The following MOSPD1 variants were observed in gnomAD, a reference collection of about 807,000 sequenced individuals.
MOSPD1 encodes the protein motile sperm domain-containing protein 1.
In MOSPD1, 5 loss-of-function variants were observed where a neutral mutation model predicts 16.7. That is an observed-to-expected ratio of 0.30 (90% CI 0.16 to 0.63). MOSPD1 has a LOEUF of 0.63. Among genes scored for constraint, MOSPD1 ranks in the 30% least tolerant of loss-of-function variants. The pLI is 0.82. For synonymous variants in MOSPD1, 67 were observed against 59.2 expected (o/e 1.13, Z -0.61); for missense variants, 104 against 153.6 (o/e 0.68, Z 1.71).
At chrX:134,908,465 C>T (rs979520813) in intron 1 of MOSPD1, among the ~76,000 whole-genome samples, 1 of 111,514 alleles carries the variant, frequency 9.0e-6, no homozygotes, top group African/African-American at 3.3e-5. Context: ...CCCCTCCCCT[C>T]CTTCTGTTTC....
At position 134,893,446 on chromosome X, in the gene MOSPD1, G is replaced by A. The variant is rs756757879; in HGVS notation, c.449-1806C>T. Among the ~76,000 whole-genome samples the A allele has an allele frequency of 8.9e-5, 10 of 111,878 alleles. 1 individual carries two copies. Among genetic ancestry groups the A allele is most frequent in the East Asian group, 5.6e-4 (2 of 3,588 alleles). On this transcript the variant is annotated intron_variant, in intron 4 of 5. Coordinates refer to ENST00000370783, the MANE Select transcript of MOSPD1 (RefSeq NM_019556.3). ...GAGAAATTTGGAATTTTTAGTATTC[G>A]AAAAACATTTGCATAAATGCTTGAA...
In MOSPD1 at chrX:134,896,926, A is replaced by G. The variant is rs745730572; in HGVS notation, c.339T>C (p.Val113=). Reference sequence around the variant, plus strand: ...TTGCTGATGGGAGAAGAGTAGCAACAACCTCTTTTCTTCCCAAAGCCTTCC... The same window carrying G: ...TTGCTGATGGGAGAAGAGTAGCAACGACCTCTTTTCTTCCCAAAGCCTTCC... ...SQRKALGRKE[V]VATLLPSAKE... Residue 113 remains valine, a synonymous_variant, in exon 4 of 6, where the codon GTT becomes GTC. Transcript: ENST00000370783. 1 of 1,209,515 alleles carries G rather than the reference A, an allele frequency of 8.3e-7. No homozygotes were observed. Among genetic ancestry groups the G allele is most frequent in the Admixed American group, 2.2e-5 (1 of 45,980 alleles).
Position 134,891,458 on chromosome X carries a change from A to G in MOSPD1, c.610+21T>C, listed in dbSNP as rs764765926. ...ATAAAGCCCTACACATATGTCCCAA[A>G]TGCATCTTTAAAACCCTTACCTAAG... On this transcript the variant is annotated intron_variant, in intron 5 of 5. Transcript: ENST00000370783. 4 of 1,205,586 alleles carry G rather than the reference A, an allele frequency of 3.3e-6. No individual in the cohort carries two copies. In the South Asian group the frequency reaches 7.1e-5, roughly 21 times the overall value.
intron 1 of MOSPD1, among the ~76,000 whole-genome samples, chrX:134,912,227 T>C (rs1463114420): frequency 8.9e-6 from 1 of 111,753 alleles, no homozygotes; most frequent in East Asian, 2.8e-4. Context: ...TTTGTATTTT[T>C]AGTAGAGTCG....
chrX:134,912,856 G>A (rs1237084591), intron 1 of MOSPD1, among the ~76,000 whole-genome samples: 6 of 108,499 alleles, frequency 5.5e-5, no homozygotes, highest in African/African-American at 1.0e-4. Context: ...GGAGAATGGC[G>A]TGAACCCAGG....
chrX:134,890,003 G>A (rs2082854255), intron 5 of MOSPD1, among the ~76,000 whole-genome samples: 1 of 107,100 alleles, frequency 9.3e-6, no homozygotes, highest in South Asian at 4.2e-4. Flanking sequence ...CTGGGGAGGC[G>A]GAGGTTGCAG....
chrX:134,887,983 A>T lies in MOSPD1; in HGVS notation c.*1178T>A, dbSNP rs1261791336. On this transcript the variant is annotated 3_prime_UTR_variant, in exon 6 of 6. Transcript: ENST00000370783. ...TTGTGTTTACATATATTCCTTGAGA[A>T]TACTACAGTAGCAGTGCATAAGTTC... The T allele has an allele frequency of 2.7e-5, 3 of 112,793 alleles. No individual in the cohort carries two copies. The highest frequency in any genetic ancestry group is 9.7e-5 in the African/African-American group (3 of 30,989). The allele number at this position is 112,793 out of a possible 1,213,427, so 9.3% of individuals were successfully genotyped here.
chrX:134,910,614 G>A (rs1336445165), intron 1 of MOSPD1, among the ~76,000 whole-genome samples: 1 of 111,823 alleles, frequency 8.9e-6, no homozygotes, highest in Non-Finnish European at 1.9e-5. Context: ...TGCTCTGGGA[G>A]CATAAAGAAA....
rs1487635000 is a variant in MOSPD1 at position 134,887,760 on chromosome X, C to T, written c.*1401G>A. The T allele has an allele frequency of 1.8e-5, 2 of 113,315 alleles. No individual in the cohort carries two copies. Among genetic ancestry groups the T allele is most frequent in the African/African-American group, 6.4e-5 (2 of 31,152 alleles). 9.3% of individuals were successfully genotyped at this position (113,315 alleles called of 1,213,427 possible). A position where few individuals can be genotyped will look rare whatever the true frequency, so the allele number is the denominator to read the frequency against. ...TGAGATGGAGAAACAAGAATAGCCT[C>T]CACACATCATTTTTACAAAGTTCAA... On this transcript the variant is annotated 3_prime_UTR_variant, in exon 6 of 6. Transcript: ENST00000370783.
intron 1 of MOSPD1, 55 bp from the exon 2 acceptor site, chrX:134,899,589 A>C: frequency 2.0e-6 from 1 of 496,269 alleles, no homozygotes; most frequent in Non-Finnish European, 3.2e-6. Flanking sequence ...ATTTTCATTA[A>C]TCTATAGCCC....
chrX:134,895,306 T>A (rs1284591463), intron 4 of MOSPD1, among the ~76,000 whole-genome samples: 2 of 105,952 alleles, frequency 1.9e-5, no homozygotes, highest in African/African-American at 7.0e-5. Context: ...GCCTGGGCGA[T>A]AGAGAGAAAC....
rs2082849202 is a variant in MOSPD1 at position 134,889,168 on chromosome X, C to G, written c.635G>C (p.Arg212Thr). 1 of 1,193,858 alleles carries G rather than the reference C, an allele frequency of 8.4e-7. No individual in the cohort carries two copies. The highest frequency in any genetic ancestry group is 1.1e-6 in the Non-Finnish European group (1 of 885,911). Residue 212 changes from arginine (R) to threonine (T), a missense_variant, in exon 6 of 6, where the codon AGA becomes ACA. Transcript: ENST00000370783. ...GTCAATTGAAATCCTTGCTCATGTT[C>G]TAAGTATGGCCATTGTGATAAGACC... ...ILGLITMAIL[R>T]T
chrX:134,893,990 A>G (rs192985493), intron 4 of MOSPD1, among the ~76,000 whole-genome samples: 1 of 112,143 alleles, frequency 8.9e-6, no homozygotes, highest in Admixed American at 9.5e-5. Flanking sequence ...TAAGATTCAG[A>G]TGTATCTTTT....
In MOSPD1 at chrX:134,889,035, C is replaced by T. The variant is rs1389868573; in HGVS notation, c.*126G>A. 8.4e-6 allele frequency: 3 copies of T among 357,265 alleles called. No homozygotes were observed. Among genetic ancestry groups the T allele is most frequent in the Non-Finnish European group, 9.6e-6 (2 of 209,400 alleles). The allele number at this position is 357,265 out of a possible 1,213,427, so 29.4% of individuals were successfully genotyped here. A position where few individuals can be genotyped will look rare whatever the true frequency, so the allele number is the denominator to read the frequency against. Reference sequence around the variant, plus strand: ...ATTATAATTTAAAATATATATTATACATTTGCAATTATTTGAAATCATTCA... The same window carrying T: ...ATTATAATTTAAAATATATATTATATATTTGCAATTATTTGAAATCATTCA... On this transcript the variant is annotated 3_prime_UTR_variant, in exon 6 of 6. Transcript: ENST00000370783.
At position 134,889,125 on chromosome X, in the gene MOSPD1, G is replaced by A. The variant is rs1372297264; in HGVS notation, c.*36C>T. On this transcript the variant is annotated 3_prime_UTR_variant, in exon 6 of 6. Transcript: ENST00000370783. ...AGGCAGTCCACATTCATATTTTCAA[G>A]ACAGATTTACTTCAGAAGTCAATTG... 1 of 1,146,969 alleles carries A rather than the reference G, an allele frequency of 8.7e-7. No homozygotes were observed. The highest frequency in any genetic ancestry group is 1.2e-6 in the Non-Finnish European group (1 of 844,487). The allele number at this position is 1,146,969 out of a possible 1,213,427, so 94.5% of individuals were successfully genotyped here. A position where few individuals can be genotyped will look rare whatever the true frequency, so the allele number is the denominator to read the frequency against.
intron 5 of MOSPD1, among the ~76,000 whole-genome samples, chrX:134,889,683 A>C (rs1390137180): frequency 1.1e-5 from 1 of 89,556 alleles, no homozygotes; most frequent in East Asian, 4.1e-4. Flanking sequence ...AGGATGATGA[A>C]AGTGTGATAA....
chrX:134,911,600 G>T (rs1216862498), intron 1 of MOSPD1, among the ~76,000 whole-genome samples: 2 of 112,339 alleles, frequency 1.8e-5, no homozygotes, highest in Admixed American at 9.5e-5. Flanking sequence ...CTTCTGGTCT[G>T]TTTGGCAGTT....
chrX:134,900,478 T>A (rs984126324), intron 1 of MOSPD1, among the ~76,000 whole-genome samples: 1 of 111,895 alleles, frequency 8.9e-6, no homozygotes, highest in Non-Finnish European at 1.9e-5. Flanking sequence ...AATTTTTTTA[T>A]GAAAATGTGA....
chrX:134,912,718 T>C (rs2082978602), intron 1 of MOSPD1, among the ~76,000 whole-genome samples: 2 of 107,474 alleles, frequency 1.9e-5, no homozygotes, highest in South Asian at 8.2e-4. Flanking sequence ...GGCGGGTAGA[T>C]CACGAGGTCA....
Sources: allele counts gnomAD v4.1 joint callset (sites outside exome capture counted in the v4.1 genomes callset), GRCh38; gene constraint gnomAD v4.1.1; transcripts MANE v1.5; gene names NCBI Gene and HGNC (gene_info 2026-07-23, HGNC 2026-07-21).